HHAT: variants seen among roughly 807,000 people sequenced by gnomAD.
HHAT encodes the protein hedgehog acyltransferase.
A neutral mutation model predicts 70.8 loss-of-function variants in HHAT; 47 were observed. The ratio of observed to expected loss-of-function variants is 0.66; its 90% CI spans 0.53 to 0.85. The LOEUF (loss-of-function observed/expected upper bound fraction) is 0.85. HHAT is among the 40% of genes least tolerant of loss of function. The pLI is 0.00. For missense variants in HHAT, 609 were observed against 604.8 expected, an observed-to-expected ratio of 1.01 and a Z score of -0.07; for synonymous variants, 228 against 247.6, an observed-to-expected ratio of 0.92 and a Z score of 0.74.
intron 7 of HHAT, among the ~76,000 whole-genome samples, chr1:210,432,579 G>A (rs969777657): frequency 6.6e-6 from 1 of 151,942 alleles, no homozygotes; most frequent in Non-Finnish European, 1.5e-5. Context: ...AAGCTAATAT[G>A]CTGCTTTAGT....
chr1:210,429,596 T>A (rs1272531208), intron 7 of HHAT, among the ~76,000 whole-genome samples: 6 of 49,604 alleles, frequency 1.2e-4, no homozygotes, highest in African/African-American at 3.5e-4. Flanking sequence ...TAAAACAATT[T>A]TTTTTTTTGC....
At chr1:210,334,624 A>G (rs181166794) in intron 1 of HHAT, among the ~76,000 whole-genome samples, 1 of 152,096 alleles carries the variant, frequency 6.6e-6, no homozygotes, top group Non-Finnish European at 1.5e-5. Context: ...GTTGGAGAAT[A>G]TTCCTGAAAT....
chr1:210,637,414 G>T (rs1672079710), intron 11 of HHAT, among the ~76,000 whole-genome samples: 1 of 152,090 alleles, frequency 6.6e-6, no homozygotes, highest in African/African-American at 2.4e-5. Flanking sequence ...GATCAATTGG[G>T]TGTCATCAAA....
At chr1:210,346,228 A>G (rs1231914903) in intron 1 of HHAT, among the ~76,000 whole-genome samples, 1 of 152,198 alleles carries the variant, frequency 6.6e-6, no homozygotes, top group African/African-American at 2.4e-5. Flanking sequence ...TCAGTCTACA[A>G]GATCATTTGT....
intron 11 of HHAT, among the ~76,000 whole-genome samples, chr1:210,628,189 G>T (rs527478951): frequency 2.0e-5 from 3 of 152,206 alleles, no homozygotes; most frequent in South Asian, 2.1e-4. Context: ...GTATTCAAGG[G>T]GGGGTGTTTA....
intron 4 of HHAT, among the ~76,000 whole-genome samples, chr1:210,391,789 G>A (rs4845010): frequency 0.78 from 118,944 of 152,192 alleles, 47,092 homozygotes; most frequent in African/African-American, 0.9. Flanking sequence ...TGTTGAATAT[G>A]TATTTGTATA....
intron 4 of HHAT, among the ~76,000 whole-genome samples, chr1:210,397,901 G>A (rs1402928435): frequency 6.6e-6 from 1 of 152,174 alleles, no homozygotes; most frequent in Non-Finnish European, 1.5e-5. Context: ...TGTGCCCTAA[G>A]GGCTACCTCT....
At chr1:210,528,928 A>G (rs2095282250) in intron 9 of HHAT, among the ~76,000 whole-genome samples, 1 of 152,198 alleles carries the variant, frequency 6.6e-6, no homozygotes, top group Non-Finnish European at 1.5e-5. Context: ...ATCCATTGAT[A>G]AGTGCAGCCT....
chr1:210,669,063 G>A (rs1679543983), intron 11 of HHAT, among the ~76,000 whole-genome samples: 2 of 152,144 alleles, frequency 1.3e-5, no homozygotes, highest in African/African-American at 2.4e-5. Flanking sequence ...GTGAGCCACC[G>A]CGCCTGGCCA....
intron 9 of HHAT, among the ~76,000 whole-genome samples, chr1:210,584,119 T>G (rs866281785): frequency 6.6e-6 from 1 of 151,804 alleles, no homozygotes; most frequent in African/African-American, 2.4e-5. Context: ...ATTTTTGTAT[T>G]TTTAGTAGAG....
chr1:210,529,062 C>T (rs531918899), intron 9 of HHAT, among the ~76,000 whole-genome samples: 91 of 152,074 alleles, frequency 6.0e-4, no homozygotes, highest in South Asian at 3.9e-3. Context: ...CCCAGCACTT[C>T]GGGAGGCCAA....
chr1:210,623,782 A>C lies in HHAT; in HGVS notation c.1390+112A>C, dbSNP rs547193617. The C allele has an allele frequency of 4.4e-6, 5 of 1,125,394 alleles. No individual in the cohort carries two copies. In the African/African-American group the frequency reaches 7.8e-5, roughly 17 times the overall value. 69.7% of individuals were successfully genotyped at this position (1,125,394 alleles called of 1,614,324 possible). A position where few individuals can be genotyped will look rare whatever the true frequency, so the allele number is the denominator to read the frequency against. ...GGGGAAGTCATTCATTGTTATGTTC[A>C]TGGCATGTGACCTCTAAAGTACCAG... is the stretch of plus-strand genomic sequence containing the variant. On this transcript the variant is annotated intron_variant, in intron 11 of 11. Transcript: ENST00000261458.
intron 2 of HHAT, among the ~76,000 whole-genome samples, chr1:210,361,279 T>C (rs1349991985): frequency 1.3e-5 from 2 of 152,216 alleles, no homozygotes; most frequent in African/African-American, 4.8e-5. Context: ...CAATTGTTCC[T>C]TTGGACTTGA....
chr1:210,608,561 T>C (rs1665975114), intron 10 of HHAT, among the ~76,000 whole-genome samples: 1 of 152,202 alleles, frequency 6.6e-6, no homozygotes, highest in Non-Finnish European at 1.5e-5. Context: ...TCTGTCTGAA[T>C]CTTAGAACTG....
intron 10 of HHAT, among the ~76,000 whole-genome samples, chr1:210,598,460 G>A (rs76660284): frequency 0.031 from 4,761 of 152,216 alleles, 268 homozygotes; most frequent in African/African-American, 0.11. Flanking sequence ...TATGACCTTA[G>A]AGCCCCTTAG....
intron 2 of HHAT, among the ~76,000 whole-genome samples, chr1:210,359,768 G>T (rs972539226): frequency 6.6e-6 from 1 of 152,114 alleles, no homozygotes; most frequent in African/African-American, 2.4e-5. Context: ...TTGAGAGTCT[G>T]AGGCAGAAGA....
At chr1:210,405,420 A>T (rs1227468051) in intron 6 of HHAT, among the ~76,000 whole-genome samples, 3 of 152,292 alleles carry the variant, frequency 2.0e-5, no homozygotes, top group Admixed American at 1.3e-4. Context: ...GTAATTGAAA[A>T]TGCCTAAAAC....
At chr1:210,422,410 A>C (rs931230401) in intron 7 of HHAT, among the ~76,000 whole-genome samples, 2 of 152,048 alleles carry the variant, frequency 1.3e-5, no homozygotes, top group Non-Finnish European at 2.9e-5. Flanking sequence ...ATCTCTCCCT[A>C]TCCCTCCCTT....
chr1:210,427,087 A>G (rs2093085973), intron 7 of HHAT, among the ~76,000 whole-genome samples: 1 of 152,106 alleles, frequency 6.6e-6, no homozygotes, highest in Non-Finnish European at 1.5e-5. Context: ...TGTGTCCTGG[A>G]AATGATAACT....
Sources: allele counts gnomAD v4.1 joint callset (sites outside exome capture counted in the v4.1 genomes callset), GRCh38; gene constraint gnomAD v4.1.1; transcripts MANE v1.5; gene names NCBI Gene and HGNC (gene_info 2026-07-23, HGNC 2026-07-21).